UTRN: variants seen among roughly 807,000 people sequenced by gnomAD.
UTRN encodes the protein utrophin, also known as dystrophin-related protein 1.
UTRN carries 283 observed loss-of-function variants against 463.9 expected under a neutral mutation model. That is an observed-to-expected ratio of 0.61 (90% CI 0.55 to 0.67). UTRN has a LOEUF of 0.67. Among genes scored for constraint, UTRN ranks in the 30% least tolerant of loss-of-function variants. UTRN has a pLI of 0.00. For missense variants in UTRN, 3,922 were observed against 4,084.3 expected (o/e 0.96, Z 1.08); for synonymous variants, 1,442 against 1,431.5 (o/e 1.01, Z -0.17).
chr6:144,692,140 G>A (rs2128693043), intron 52 of UTRN, among the ~76,000 whole-genome samples: 1 of 152,260 alleles, frequency 6.6e-6, no homozygotes, highest in African/African-American at 2.4e-5. Flanking sequence ...AAGACATGTG[G>A]TATTTGGTTT....
At chr6:144,727,283 T>C (rs1015435327) in intron 53 of UTRN, among the ~76,000 whole-genome samples, 5 of 152,248 alleles carry the variant, frequency 3.3e-5, no homozygotes, top group African/African-American at 9.6e-5. Flanking sequence ...GGTTGATCTT[T>C]TGTGCTAAAT....
chr6:144,385,616 T>C (rs1311598197), intron 2 of UTRN, among the ~76,000 whole-genome samples: 4 of 152,184 alleles, frequency 2.6e-5, no homozygotes, highest in East Asian at 1.9e-4. Context: ...AGTGATAGTA[T>C]AGACTGAATT....
chr6:144,342,342 TAC>T (rs55809792), intron 2 of UTRN, among the ~76,000 whole-genome samples: 37,208 of 137,876 alleles, frequency 0.27, 5,082 homozygotes, highest in South Asian at 0.38. Flanking sequence ...GGTACACACA[TAC>T]ACACACACAC....
chr6:144,836,616 G>T (rs1781129908), intron 71 of UTRN, 75 bp downstream of exon 71: 1 of 1,571,538 alleles, frequency 6.4e-7, no homozygotes, highest in Non-Finnish European at 8.6e-7. Flanking sequence ...TGGTCCAGGT[G>T]TCAGGAGAGG....
intron 2 of UTRN, among the ~76,000 whole-genome samples, chr6:144,394,260 G>C (rs1039091837): frequency 6.6e-5 from 10 of 152,080 alleles, no homozygotes; most frequent in Non-Finnish European, 1.2e-4. Flanking sequence ...CTGGAGACTA[G>C]GTAATTTATA....
chr6:144,847,768 C>G (rs898251834), intron 74 of UTRN, among the ~76,000 whole-genome samples: 4 of 152,144 alleles, frequency 2.6e-5, no homozygotes, highest in Non-Finnish European at 5.9e-5. Flanking sequence ...GGCCTTCTAT[C>G]TTTGCAAGTA....
intron 2 of UTRN, chr6:144,344,281 T>C (rs1351773403): frequency 7.7e-7 from 1 of 1,304,166 alleles, no homozygotes; most frequent in East Asian, 5.5e-5. Context: ...CATGTAGCTC[T>C]CCAGGCTTGC....
intron 2 of UTRN, among the ~76,000 whole-genome samples, chr6:144,368,493 A>G (rs952154854): frequency 1.3e-5 from 2 of 152,122 alleles, no homozygotes; most frequent in South Asian, 4.1e-4. Context: ...CATGATAAGC[A>G]TGGCTGGGTG....
chr6:144,654,559 A>G (rs1779137628), intron 51 of UTRN, among the ~76,000 whole-genome samples: 1 of 152,238 alleles, frequency 6.6e-6, no homozygotes, highest in Non-Finnish European at 1.5e-5. Context: ...TACTAAATCT[A>G]CATAGCTGAA....
intron 73 of UTRN, among the ~76,000 whole-genome samples, chr6:144,843,618 T>C (rs1469553330): frequency 6.6e-6 from 1 of 152,184 alleles, no homozygotes; most frequent in Non-Finnish European, 1.5e-5. Context: ...ACACAGTACC[T>C]TCAATGGGAC....
At chr6:144,756,184 A>G (rs1791968314) in intron 57 of UTRN, among the ~76,000 whole-genome samples, 1 of 152,158 alleles carries the variant, frequency 6.6e-6, no homozygotes, top group South Asian at 2.1e-4. Flanking sequence ...AGATTTCTAA[A>G]GCTCAGTTTT....
At chr6:144,744,263 G>A (rs1224220042) in intron 54 of UTRN, among the ~76,000 whole-genome samples, 1 of 147,658 alleles carries the variant, frequency 6.8e-6, no homozygotes, top group African/African-American at 2.5e-5. Context: ...CTTCAGCTGG[G>A]GCAACAGAGC....
At chr6:144,661,363 GAGA>G (rs1255573610) in intron 51 of UTRN, among the ~76,000 whole-genome samples, 4 of 152,170 alleles carry the variant, frequency 2.6e-5, no homozygotes, top group East Asian at 1.9e-4. Flanking sequence ...AATGTGGAGA[GAGA>G]AGAATTTAGC....
Position 144,577,841 on chromosome 6 carries a change from G to C in UTRN, c.7479+553G>C, listed in dbSNP as rs562726879. 5.3e-5 allele frequency among the ~76,000 whole-genome samples: 8 copies of C among 152,264 alleles called. No homozygotes were observed. In the South Asian group the frequency reaches 1.0e-3, roughly 20 times the overall value. On this transcript the variant is annotated intron_variant, in intron 51 of 74. Coordinates refer to ENST00000367545, the MANE Select transcript of UTRN (RefSeq NM_007124.3). ...TTATAAACATTATAAGGAATCTTATGAAATACGTCTGAATCTTTTTTTGCC... is the reference window on the plus strand; with the variant it reads ...TTATAAACATTATAAGGAATCTTATCAAATACGTCTGAATCTTTTTTTGCC...
At chr6:144,838,575 C>G (rs1395089945) in intron 71 of UTRN, among the ~76,000 whole-genome samples, 4 of 152,192 alleles carry the variant, frequency 2.6e-5, no homozygotes, top group African/African-American at 9.6e-5. Context: ...TACTAAGTGT[C>G]AGGCTGTTCT....
intron 65 of UTRN, among the ~76,000 whole-genome samples, chr6:144,819,911 C>CCTCTCTCTCTCT (rs1554406067): frequency 8.4e-6 from 1 of 118,610 alleles, no homozygotes; most frequent in East Asian, 3.2e-4. Flanking sequence ...TCCTCCTCCT[C>CCTCTCTCTCTCT]CTCTCTCTCT....
intron 51 of UTRN, among the ~76,000 whole-genome samples, chr6:144,634,973 T>C (rs569931063): frequency 6.6e-6 from 1 of 152,322 alleles, no homozygotes; most frequent in South Asian, 2.1e-4. Context: ...AATGCTGCTA[T>C]GAACATTTAT....
intron 65 of UTRN, among the ~76,000 whole-genome samples, chr6:144,813,560 A>G (rs564321858): frequency 2.6e-5 from 4 of 152,208 alleles, no homozygotes; most frequent in Non-Finnish European, 4.4e-5. Context: ...ATAAAGAGAC[A>G]TTTGTAAAGA....
chr6:144,541,397 G>A (rs1797966219), intron 45 of UTRN, among the ~76,000 whole-genome samples: 1 of 152,178 alleles, frequency 6.6e-6, no homozygotes, highest in Admixed American at 6.5e-5. Flanking sequence ...CTGCAGAAAA[G>A]GGCACAGTTG....
Sources: gnomAD v4.1 joint callset for allele counts (sites outside exome capture counted in the v4.1 genomes callset) on GRCh38, gnomAD v4.1.1 for gene constraint, MANE v1.5 for transcripts, NCBI Gene and HGNC (gene_info 2026-07-23, HGNC 2026-07-21) for gene names.